SYK: variants seen among roughly 807,000 people sequenced by gnomAD.
SYK encodes tyrosine-protein kinase SYK.
SYK carries 16 observed loss-of-function variants against 77.8 expected under a neutral mutation model. That is an observed-to-expected ratio of 0.21 (90% confidence interval 0.14 to 0.31). The LOEUF is 0.31. Ranked by LOEUF, SYK falls within the 10% of genes least tolerant of loss-of-function variation. The pLI is 1.00. For missense variants in SYK, 529 were observed against 814.4 expected (o/e 0.65, Z 4.26); for synonymous variants, 312 against 308.7 (o/e 1.01, Z -0.11).
chr9:90,822,337 C>T lies in SYK; in HGVS notation c.-42+20444C>T, dbSNP rs78289727. The stretch of plus-strand genomic sequence containing the variant: ...TTGGGCTCCTGTGATGTGACTGGCA[C>T]TGTTTTGGTACCAAAAGGGCATTGC... On this transcript the variant is annotated intron_variant, in intron 1 of 13. Transcript: ENST00000375754. Among the ~76,000 whole-genome samples, 571 of 152,240 alleles carry T rather than the reference C, an allele frequency of 3.8e-3. 4 individuals carry two copies. The highest frequency in any genetic ancestry group is 0.011 in the South Asian group (55 of 4,828).
In SYK at chr9:90,895,466, C is replaced by CTTG; in HGVS notation, c.1836-60_1836-58dup. 5.1e-6 allele frequency: 8 copies of CTTG among 1,576,884 alleles called. No homozygotes were observed. The South Asian group carries it at 7.8e-5, about 15-fold the overall frequency. ...TGGTACTCAGCCTGCAGAGGCCCTG[C>CTTG]TTGTGATCAGCAATTTTTCACAAGC... is the stretch of plus-strand genomic sequence containing the variant. On this transcript the variant is annotated intron_variant, in intron 13 of 13. Coordinates refer to ENST00000375754, the MANE Select transcript of SYK (RefSeq NM_003177.7). This position sits in a 1 kb window ranked among gnomAD's most constrained non-coding sequence, Gnocchi z 4.4.
intron 1 of SYK, among the ~76,000 whole-genome samples, chr9:90,818,357 G>T (rs986568415): frequency 5.9e-5 from 9 of 152,196 alleles, no homozygotes; most frequent in East Asian, 3.8e-4. Context: ...GACCAAAAAA[G>T]TTCCTGGGGC....
intron 1 of SYK, among the ~76,000 whole-genome samples, chr9:90,843,346 G>A (rs371140082): frequency 6.6e-6 from 1 of 152,206 alleles, no homozygotes; most frequent in African/African-American, 2.4e-5. Context: ...CTGACTGCTC[G>A]AGGCAGCGTC....
rs1213060247 is a variant in SYK, at chr9:90,895,467, T to C, written c.1836-61T>C. On this transcript the variant is annotated intron_variant, in intron 13 of 13. Transcript: ENST00000375754. This position sits in a 1 kb window ranked among gnomAD's most constrained non-coding sequence, Gnocchi z 4.4. ...GGTACTCAGCCTGCAGAGGCCCTGC[T>C]TGTGATCAGCAATTTTTCACAAGCA... is the stretch of plus-strand genomic sequence containing the variant. The C allele has an allele frequency of 1.3e-6, 2 of 1,580,974 alleles. No individual in the cohort carries two copies. The highest frequency in any genetic ancestry group is 2.2e-5 in the East Asian group (1 of 44,728).
chr9:90,878,538 A>G lies in SYK; in HGVS notation c.1392-226A>G, dbSNP rs553628374. On this transcript the variant is annotated intron_variant, in intron 10 of 13. Transcript: ENST00000375754. ...TACTCTGTTATACTGCTTTTCTTGC[A>G]ATTCCAAGCATGCCAGGAAACTCAA... Among the ~76,000 whole-genome samples, 5 of 152,292 alleles carry G rather than the reference A, an allele frequency of 3.3e-5. No homozygotes were observed. The East Asian group carries it at 7.7e-4, about 24-fold the overall frequency.
chr9:90,828,410 T>C (rs1043766590), intron 1 of SYK, among the ~76,000 whole-genome samples: 1 of 152,014 alleles, frequency 6.6e-6, no homozygotes, highest in Non-Finnish European at 1.5e-5. Flanking sequence ...CAACGTGAGT[T>C]CTTTTTTCTA....
chr9:90,857,381 T>C (rs559475954), intron 3 of SYK, among the ~76,000 whole-genome samples: 57 of 152,340 alleles, frequency 3.7e-4, no homozygotes, highest in African/African-American at 1.3e-3. Context: ...TTGATGCTGA[T>C]CAAAGTCTCC....
At position 90,827,043 on chromosome 9, in the gene SYK, G is replaced by GTTCAA. The variant is rs565549583; in HGVS notation, c.-41-16813_-41-16809dup. On this transcript the variant is annotated intron_variant, in intron 1 of 13. Transcript: ENST00000375754. Reference sequence around the variant, plus strand: ...TTTTCAAGGATGCTCTTCCTATTTGGTTCAATCTTCTGGTTGAATTTGATA... The same window carrying GTTCAA: ...TTTTCAAGGATGCTCTTCCTATTTGGTTCAATTCAATCTTCTGGTTGAATTTGATA... Among the ~76,000 whole-genome samples the GTTCAA allele has an allele frequency of 5.9e-5, 9 of 152,012 alleles. No homozygotes were observed. In the South Asian group the frequency reaches 1.9e-3, roughly 32 times the overall value.
Position 90,862,272 on chromosome 9 carries a change from C to T in SYK, c.645C>T (p.His215=), listed in dbSNP as rs201867954. Residue 215 remains histidine (H), a synonymous_variant, in exon 4 of 14, where the codon CAC becomes CAT. Coordinates refer to ENST00000375754, the MANE Select transcript of SYK (RefSeq NM_003177.7). The part of the protein sequence containing the change: ...LCLLHEGKVL[H]YRIDKDKTGK... ...TGCTGCACGAAGGGAAGGTGCTGCA[C>T]TATCGCATCGACAAAGACAAGACAG... 8 of 1,614,204 alleles carry T rather than the reference C, an allele frequency of 5.0e-6. No homozygotes were observed. The East Asian group carries it at 1.1e-4, about 22-fold the overall frequency.
chr9:90,874,162 G>A, intron 7 of SYK, 42 bp from the exon 8 acceptor site: 1 of 1,471,022 alleles, frequency 6.8e-7, no homozygotes, highest in South Asian at 1.1e-5. Context: ...TAACAGTTTT[G>A]TGGATGAAGA....
At chr9:90,830,883 C>T (rs1825862674) in intron 1 of SYK, among the ~76,000 whole-genome samples, 1 of 152,160 alleles carries the variant, frequency 6.6e-6, no homozygotes, top group Admixed American at 6.5e-5. Flanking sequence ...CCACACCCGG[C>T]CTCCTCTTTC....
Position 90,887,807 on chromosome 9 carries a change from A to G in SYK, c.1640A>G (p.Tyr547Cys), listed in dbSNP as rs780848009. 2 of 1,613,722 alleles carry G rather than the reference A, an allele frequency of 1.2e-6. No homozygotes were observed. Among genetic ancestry groups the G allele is most frequent in the Non-Finnish European group, 1.7e-6 (2 of 1,179,868 alleles). The change falls in exon 12 of 14, where the codon TAC becomes TGC. Residue 547 changes from tyrosine (Y) to cysteine (C), a missense_variant. Transcript: ENST00000375754. ...TACGCTCCGGAATGCATCAACTACT[A>G]CAAGTTCTCCAGCAAAAGCGATGTC... The part of the protein sequence containing the change: ...KWYAPECINY[Y>C]KFSSKSDVWS...
At position 90,887,766 on chromosome 9, in the gene SYK, G is replaced by A; in HGVS notation, c.1599G>A (p.Lys533=). 1 of 1,611,560 alleles carries A rather than the reference G, an allele frequency of 6.2e-7. No homozygotes were observed. The highest frequency in any genetic ancestry group is 8.5e-7 in the Non-Finnish European group (1 of 1,178,710). ...ENYYKAQTHG[K]WPVKWYAPEC... is the part of the protein sequence containing the mutation. The stretch of plus-strand genomic sequence containing the variant: ...GCTTTTAGGCCCAGACCCATGGAAA[G>A]TGGCCTGTCAAGTGGTACGCTCCGG... The change falls in exon 12 of 14, where the codon AAG becomes AAA. Residue 533 remains lysine, a synonymous_variant. Coordinates refer to ENST00000375754, the MANE Select transcript of SYK (RefSeq NM_003177.7).
chr9:90,884,868 T>G (rs111409462), intron 11 of SYK, among the ~76,000 whole-genome samples: 1 of 23,012 alleles, frequency 4.3e-5, no homozygotes, highest in African/African-American at 3.2e-4. Flanking sequence ...TGTATATACA[T>G]ATATACATAT....
chr9:90,888,478 A>T (rs2118976399), intron 12 of SYK, 37 bp from the exon 13 acceptor site: 1 of 1,373,794 alleles, frequency 7.3e-7, no homozygotes, highest in Admixed American at 2.6e-5. Flanking sequence ...AACACCTTTA[A>T]AAAAAAAAAA....
At chr9:90,826,498 T>C (rs1427702514) in intron 1 of SYK, among the ~76,000 whole-genome samples, 1 of 152,254 alleles carries the variant, frequency 6.6e-6, no homozygotes, top group African/African-American at 2.4e-5. Flanking sequence ...AAGCTGTCAT[T>C]TTCACAAGTT....
intron 3 of SYK, among the ~76,000 whole-genome samples, chr9:90,860,180 C>T (rs1440983119): frequency 6.6e-6 from 1 of 152,188 alleles, no homozygotes; most frequent in Non-Finnish European, 1.5e-5. Context: ...TCTCCATGAC[C>T]TTGAGGTCAC....
At chr9:90,844,896 G>T (rs1826525340) in intron 2 of SYK, among the ~76,000 whole-genome samples, 1 of 152,132 alleles carries the variant, frequency 6.6e-6, no homozygotes, top group Non-Finnish European at 1.5e-5. Flanking sequence ...ACTTTGAAAG[G>T]GTTGGGATTG....
intron 6 of SYK, among the ~76,000 whole-genome samples, chr9:90,865,777 G>A (rs558901149): frequency 2.4e-4 from 37 of 152,010 alleles, no homozygotes; most frequent in African/African-American, 6.0e-4. Flanking sequence ...GTTAACACAC[G>A]TAATTCACAG....
Sources: allele counts gnomAD v4.1 joint callset (sites outside exome capture counted in the v4.1 genomes callset), GRCh38; gene constraint gnomAD v4.1.1; non-coding constraint Gnocchi (gnomAD v3.1); transcripts MANE v1.5; gene names NCBI Gene and HGNC (gene_info 2026-07-23, HGNC 2026-07-21).